ADNP: variants seen among roughly 807,000 people sequenced by gnomAD.
ADNP encodes activity dependent neuroprotector homeobox, also known as activity-dependent neuroprotector homeobox protein.
ADNP carries 4 observed loss-of-function variants against 84.9 expected under a neutral mutation model. The observed-to-expected ratio is 0.05, with a 90% confidence interval of 0.02 to 0.11. ADNP has a LOEUF of 0.11. ADNP is among the 10% of genes least tolerant of loss of function. The probability of loss-of-function intolerance (pLI) is 1.00; values close to 1 mark genes in which losing one functional copy is unlikely to be tolerated. For missense variants in ADNP, 1,132 were observed against 1,326.0 expected, an observed-to-expected ratio of 0.85 and a Z score of 2.27; for synonymous variants, 554 against 468.1, an observed-to-expected ratio of 1.18 and a Z score of -2.37.
chr20:50,902,434 T>C (rs1982077411), intron 4 of ADNP, among the ~76,000 whole-genome samples: 1 of 152,166 alleles, frequency 6.6e-6, no homozygotes, highest in Non-Finnish European at 1.5e-5. Context: ...ACTCGTCAGT[T>C]ACAGTACTGG....
intron 5 of ADNP, among the ~76,000 whole-genome samples, chr20:50,901,515 A>G (rs569451235): frequency 4.6e-5 from 7 of 152,122 alleles, no homozygotes; most frequent in Non-Finnish European, 8.8e-5. Context: ...ATCATCATCT[A>G]TTGATACTTG....
rs1048164674 is a variant in ADNP at position 50,931,396 on chromosome 20, G to C, written c.-835C>G. 6 of 152,720 alleles carry C rather than the reference G, an allele frequency of 3.9e-5. No homozygotes were observed. Among genetic ancestry groups the C allele is most frequent in the African/African-American group, 1.2e-4 (5 of 41,528 alleles). 9.5% of individuals were successfully genotyped at this position (152,720 alleles called of 1,614,324 possible). ...GCAGACAATACAAGCGCCTCGGACC[G>C]AGTCCCCGAACCTGCCCTAGCCAAA... is the stretch of plus-strand genomic sequence containing the variant. On this transcript the variant is annotated 5_prime_UTR_variant, in exon 1 of 6. Transcript: ENST00000621696.
chr20:50,912,505 G>A (rs1231057144), intron 2 of ADNP, among the ~76,000 whole-genome samples: 3 of 152,016 alleles, frequency 2.0e-5, no homozygotes, highest in African/African-American at 7.2e-5. Flanking sequence ...AATCTTAGGT[G>A]AAATATAAAA....
chr20:50,903,476 G>A (rs1005717163), intron 4 of ADNP, among the ~76,000 whole-genome samples: 15 of 152,176 alleles, frequency 9.9e-5, no homozygotes, highest in African/African-American at 2.7e-4. Flanking sequence ...ACATTCAGGC[G>A]TATCAGAATG....
intron 5 of ADNP, among the ~76,000 whole-genome samples, chr20:50,896,320 T>G (rs1981389453): frequency 6.6e-6 from 1 of 151,588 alleles, no homozygotes; most frequent in South Asian, 2.1e-4. Flanking sequence ...TAAAAAAATT[T>G]GTTTTAAAAA....
intron 2 of ADNP, among the ~76,000 whole-genome samples, chr20:50,915,393 T>C (rs564546931): frequency 1.1e-4 from 16 of 152,332 alleles, no homozygotes; most frequent in East Asian, 3.9e-4. Context: ...ATCAAACCAG[T>C]TGCAAAAAGG....
rs537754898 is a variant in ADNP, at chr20:50,917,725, G to A, written c.-90+10926C>T. Among the ~76,000 whole-genome samples the A allele has an allele frequency of 1.1e-4, 17 of 152,206 alleles. No homozygotes were observed. In the East Asian group the frequency reaches 2.3e-3, roughly 21 times the overall value. ...AGTCCAAAAAGTTACATAAGCAATT[G>A]GGAAGCGGGAACACAGGACCACACA... On this transcript the variant is annotated intron_variant, in intron 2 of 5. Transcript: ENST00000621696.
At position 50,892,506 on chromosome 20, in the gene ADNP, A is replaced by C. The variant is rs1239761974; in HGVS notation, c.2208T>G (p.Ser736Arg). The change falls in exon 6 of 6, where the codon AGT becomes AGG. Residue 736 changes from serine to arginine, a missense_variant. Physicochemically the swap from Ser to Arg is moderately radical, Grantham distance 110 (BLOSUM62 -1). Coordinates refer to ENST00000621696, the MANE Select transcript of ADNP (RefSeq NM_001282531.3). ...TCTCTTCAAAGAAGCTGGGTGAATCACTATCATCATCTAACTTTCGTTTTT... is the reference window on the plus strand; with the variant it reads ...TCTCTTCAAAGAAGCTGGGTGAATCCCTATCATCATCTAACTTTCGTTTTT... ...LLKKRKLDDD[S>R]DSPSFFEEKP... 1 of 1,614,088 alleles carries C rather than the reference A, an allele frequency of 6.2e-7. No individual in the cohort carries two copies. Among genetic ancestry groups the C allele is most frequent in the African/African-American group, 1.3e-5 (1 of 74,928 alleles).
In ADNP at chr20:50,890,621, G is replaced by T. The variant is rs1348814643; in HGVS notation, c.*784C>A. On this transcript the variant is annotated 3_prime_UTR_variant, in exon 6 of 6. Coordinates refer to ENST00000621696, the MANE Select transcript of ADNP (RefSeq NM_001282531.3). The stretch of plus-strand genomic sequence containing the variant: ...TCTTGCATGTGATTTTAGCTTAAAA[G>T]ATTTCAGAAAACAGATCTGAAATAC... 6.5e-6 allele frequency: 1 copy of T among 152,690 alleles called. No homozygotes were observed. Among genetic ancestry groups the T allele is most frequent in the Non-Finnish European group, 1.5e-5 (1 of 68,062 alleles). 9.5% of individuals were successfully genotyped at this position (152,690 alleles called of 1,614,324 possible).
intron 5 of ADNP, among the ~76,000 whole-genome samples, chr20:50,895,339 T>C (rs756012447): frequency 6.6e-6 from 1 of 152,198 alleles, no homozygotes; most frequent in Admixed American, 6.5e-5. Flanking sequence ...CTGATTACCA[T>C]AGGCAATGAT....
At chr20:50,914,052 C>T in intron 2 of ADNP, 1 of 750,762 alleles carries the variant, frequency 1.3e-6, no homozygotes. Flanking sequence ...GCTCTACTCC[C>T]CTACATCATG....
At position 50,892,458 on chromosome 20, in the gene ADNP, T is replaced by A. The variant is rs1318325711; in HGVS notation, c.2256A>T (p.Leu752Phe). 1 of 1,614,044 alleles carries A rather than the reference T, an allele frequency of 6.2e-7. No individual in the cohort carries two copies. The highest frequency in any genetic ancestry group is 8.5e-7 in the Non-Finnish European group (1 of 1,180,036). Residue 752 changes from leucine to phenylalanine, a missense_variant, in exon 6 of 6, where the codon TTA (leucine) becomes TTT (phenylalanine). By Grantham distance (22) the Leu-to-Phe change is conservative (BLOSUM62 0). Transcript: ENST00000621696. ...FEEKPEEPVV[L>F]ALDPKGHEDD... ...CTTCATGACCCTTGGGGTCTAAAGCTAAAACAACAGGCTCTTCAGGCTTCT... is the reference window on the plus strand; with the variant it reads ...CTTCATGACCCTTGGGGTCTAAAGCAAAAACAACAGGCTCTTCAGGCTTCT...
At chr20:50,919,288 A>C (rs2870022) in intron 2 of ADNP, among the ~76,000 whole-genome samples, 14,545 of 90,200 alleles carry the variant, frequency 0.16, 2,512 homozygotes, top group African/African-American at 0.41. Context: ...CATATATTTA[A>C]GTGTATATAT....
chr20:50,921,125 A>G (rs1983931073), intron 2 of ADNP, among the ~76,000 whole-genome samples: 1 of 152,236 alleles, frequency 6.6e-6, no homozygotes, highest in Admixed American at 6.5e-5. Context: ...TAAGTCAGTT[A>G]CCATTATCAC....
chr20:50,928,991 C>G (rs1984466051), intron 1 of ADNP, among the ~76,000 whole-genome samples, 166 bp from the exon 2 acceptor site: 1 of 152,218 alleles, frequency 6.6e-6, no homozygotes, highest in Non-Finnish European at 1.5e-5. Flanking sequence ...TTTTTACAAT[C>G]AACACTTGAG....
Position 50,913,948 on chromosome 20 carries a change from TCTC to T in ADNP, c.-89-9102_-89-9100del, listed in dbSNP as rs1439324868. The T allele has an allele frequency of 1.9e-5, 13 of 692,158 alleles. No individual in the cohort carries two copies. The East Asian group carries it at 2.1e-4, about 11-fold the overall frequency. 42.9% of individuals were successfully genotyped at this position (692,158 alleles called of 1,614,324 possible). A position where few individuals can be genotyped will look rare whatever the true frequency, so the allele number is the denominator to read the frequency against. On this transcript the variant is annotated intron_variant, in intron 2 of 5. Coordinates refer to ENST00000621696, the MANE Select transcript of ADNP (RefSeq NM_001282531.3). ...AATGATAAAGACTATGCGAGATTGGTCTCCTCTTCAGACTGCTGTTTGTGCTGG... is the reference window on the plus strand; with the variant it reads ...AATGATAAAGACTATGCGAGATTGGTCTCTTCAGACTGCTGTTTGTGCTGG...
intron 2 of ADNP, among the ~76,000 whole-genome samples, chr20:50,916,886 AAAAC>A (rs1983550886): frequency 6.6e-6 from 1 of 152,176 alleles, no homozygotes; most frequent in South Asian, 2.1e-4. Context: ...CAAAAACTAA[AAAAC>A]AAGTGTCCAG....
chr20:50,919,604 G>C (rs777367071), intron 2 of ADNP, among the ~76,000 whole-genome samples: 2 of 152,070 alleles, frequency 1.3e-5, no homozygotes, highest in Non-Finnish European at 2.9e-5. Flanking sequence ...TAAAAGAGGC[G>C]ATGTATCAGA....
chr20:50,908,799 A>G (rs1195640176), intron 2 of ADNP, among the ~76,000 whole-genome samples: 1 of 151,876 alleles, frequency 6.6e-6, no homozygotes, highest in Non-Finnish European at 1.5e-5. Context: ...AAAGTTATCT[A>G]TTTGATTCTC....
Sources: allele counts gnomAD v4.1 joint callset (sites outside exome capture counted in the v4.1 genomes callset), GRCh38; gene constraint gnomAD v4.1.1; transcripts MANE v1.5; gene names NCBI Gene and HGNC (gene_info 2026-07-23, HGNC 2026-07-21).